GLIPR1L1: variants seen among roughly 807,000 people sequenced by gnomAD.
GLIPR1L1 encodes GLIPR1 like 1, also known as GLIPR1-like protein 1.
A neutral mutation model predicts 29.9 loss-of-function variants in GLIPR1L1; 26 were observed. The ratio of observed to expected loss-of-function variants is 0.87; its 90% CI spans 0.64 to 1.21. The LOEUF (loss-of-function observed/expected upper bound fraction) is 1.21. GLIPR1L1 is among the 50% of genes most tolerant of loss of function. The pLI is 0.00. For missense variants in GLIPR1L1, 305 were observed against 290.3 expected, an observed-to-expected ratio of 1.05 and a Z score of -0.37; for synonymous variants, 77 against 97.5, an observed-to-expected ratio of 0.79 and a Z score of 1.24.
chr12:75,338,292 A>G (rs2041869055), intron 1 of GLIPR1L1, among the ~76,000 whole-genome samples: 1 of 152,200 alleles, frequency 6.6e-6, no homozygotes, highest in Non-Finnish European at 1.5e-5. Context: ...GGACTTGAAA[A>G]TTAATCAACA....
intron 3 of GLIPR1L1, among the ~76,000 whole-genome samples, chr12:75,352,488 C>A (rs1320362554): frequency 6.6e-6 from 1 of 152,182 alleles, no homozygotes; most frequent in African/African-American, 2.4e-5. Context: ...TACAGGAGCA[C>A]CCAGATTCAT....
At chr12:75,339,370 A>G (rs1210864920) in intron 1 of GLIPR1L1, among the ~76,000 whole-genome samples, 1 of 151,330 alleles carries the variant, frequency 6.6e-6, no homozygotes. Context: ...GCTTTTTTTC[A>G]TTTGTTTTTT....
At chr12:75,369,806 A>G (rs2044239071) in intron 4 of GLIPR1L1, 154 bp from the exon 5 acceptor site, 1 of 981,272 alleles carries the variant, frequency 1.0e-6, no homozygotes, top group Non-Finnish European at 1.2e-6. Context: ...AGTTTTAAGT[A>G]CTGTAGGATT....
At chr12:75,344,360 T>G (rs1023815744) in intron 2 of GLIPR1L1, among the ~76,000 whole-genome samples, 4 of 152,132 alleles carry the variant, frequency 2.6e-5, no homozygotes, top group Admixed American at 2.6e-4. Context: ...GTAATTTTAT[T>G]GCTACATCTT....
intron 4 of GLIPR1L1, 81 bp from the exon 5 acceptor site, chr12:75,369,879 A>G: frequency 7.4e-7 from 1 of 1,343,064 alleles, no homozygotes; most frequent in Admixed American, 3.1e-5. Context: ...TGATTGTCTT[A>G]TTCTAAAAGC....
At chr12:75,351,327 T>C (rs1414052456) in intron 3 of GLIPR1L1, among the ~76,000 whole-genome samples, 1 of 152,016 alleles carries the variant, frequency 6.6e-6, no homozygotes, top group African/African-American at 2.4e-5. Context: ...ATTCAGGAAA[T>C]CCAGAGAACC....
In GLIPR1L1 at chr12:75,343,672, TA is replaced by T; in HGVS notation, c.175-18del. ...GCAAATACTTATGCACAATTCAATT[TA>T]AATTATTTTTATCTTTCAGATTTGG... On this transcript the variant is annotated intron_variant, in intron 1 of 5. Coordinates refer to ENST00000378695, the MANE Select transcript of GLIPR1L1 (RefSeq NM_001304964.2). 6.4e-7 allele frequency: 1 copy of T among 1,557,678 alleles called. No homozygotes were observed. Among genetic ancestry groups the T allele is most frequent in the Non-Finnish European group, 8.7e-7 (1 of 1,146,708 alleles).
intron 3 of GLIPR1L1, among the ~76,000 whole-genome samples, chr12:75,357,504 A>G (rs2043229421): frequency 6.6e-6 from 1 of 152,120 alleles, no homozygotes; most frequent in African/African-American, 2.4e-5. Flanking sequence ...CTCTCAAGCA[A>G]CTTTACCTGA....
Position 75,363,122 on chromosome 12 carries a change from C to G in GLIPR1L1, c.542C>G (p.Pro181Arg), listed in dbSNP as rs1005432558. Residue 181 changes from proline (P) to arginine (R), a missense_variant, in exon 4 of 6, where the codon CCT becomes CGT. Physicochemically the swap from Pro to Arg is moderately radical, Grantham distance 103 (BLOSUM62 -2). Transcript: ENST00000378695. ...YGPAGNFANM[P>R]PYVRGESCSL... ...TACAGAGGAAATTTTGCAAATATGCCTCCTTACGTAAGAGGAGAATCTTGC... is the reference window on the plus strand; with the variant it reads ...TACAGAGGAAATTTTGCAAATATGCGTCCTTACGTAAGAGGAGAATCTTGC... 6.4e-7 allele frequency: 1 copy of G among 1,558,384 alleles called. No individual in the cohort carries two copies. Among genetic ancestry groups the G allele is most frequent in the Non-Finnish European group, 8.6e-7 (1 of 1,158,862 alleles).
intron 3 of GLIPR1L1, among the ~76,000 whole-genome samples, chr12:75,349,180 G>C (rs60597986): frequency 1.1e-3 from 163 of 152,276 alleles, no homozygotes; most frequent in African/African-American, 3.9e-3. Context: ...GAAAGAATAA[G>C]AGGACACAGT....
At chr12:75,357,789 T>C (rs2043249111) in intron 3 of GLIPR1L1, among the ~76,000 whole-genome samples, 1 of 151,652 alleles carries the variant, frequency 6.6e-6, no homozygotes, top group South Asian at 2.1e-4. Context: ...AAAAAGAAGT[T>C]AGAAAGTATG....
At chr12:75,367,057 C>T in intron 4 of GLIPR1L1, 1 of 699,222 alleles carries the variant, frequency 1.4e-6, no homozygotes, top group South Asian at 1.5e-5. Flanking sequence ...TTAAGTTTCT[C>T]ACAAAAATGC....
At chr12:75,364,572 T>A (rs914371781) in intron 4 of GLIPR1L1, among the ~76,000 whole-genome samples, 2 of 152,316 alleles carry the variant, frequency 1.3e-5, no homozygotes, top group African/African-American at 4.8e-5. Context: ...AACTGTTAAA[T>A]TTTTTTAAGT....
intron 3 of GLIPR1L1, chr12:75,360,268 A>G (rs117039488): frequency 1.1e-4 from 17 of 152,338 alleles, no homozygotes; most frequent in Non-Finnish European, 1.6e-4. Flanking sequence ...CCAACCAATC[A>G]TGCCTACGCA....
At chr12:75,342,043 A>G (rs1485817837) in intron 1 of GLIPR1L1, among the ~76,000 whole-genome samples, 1 of 152,036 alleles carries the variant, frequency 6.6e-6, no homozygotes, top group Non-Finnish European at 1.5e-5. Context: ...ACGCCTGGCC[A>G]CCTATTTATA....
In GLIPR1L1 at chr12:75,334,689, C is replaced by A. The variant is rs565146614; in HGVS notation, c.-40C>A. ...CGGGTTGCCCCAGCCGTTACTGGTC[C>A]GCGCAGTCAGGGCATCCTCCGCATC... On this transcript the variant is annotated 5_prime_UTR_variant, in exon 1 of 6. Coordinates refer to ENST00000378695, the MANE Select transcript of GLIPR1L1 (RefSeq NM_001304964.2). The A allele has an allele frequency of 1.9e-6, 3 of 1,589,548 alleles. No individual in the cohort carries two copies. In the African/African-American group the frequency reaches 4.0e-5, roughly 21 times the overall value.
intron 2 of GLIPR1L1, 55 bp from the exon 3 acceptor site, chr12:75,347,567 T>C (rs1426525976): frequency 1.9e-6 from 2 of 1,078,760 alleles, no homozygotes; most frequent in Non-Finnish European, 2.8e-6. Flanking sequence ...TCTAAATGCA[T>C]TGTTTGCATA....
At position 75,368,017 on chromosome 12, in the gene GLIPR1L1, A is replaced by AT. The variant is rs1244613199; in HGVS notation, c.611-1937dup. On this transcript the variant is annotated intron_variant, in intron 4 of 5. Coordinates refer to ENST00000378695, the MANE Select transcript of GLIPR1L1 (RefSeq NM_001304964.2). Reference sequence around the variant, plus strand: ...ATTTGAATAAATGTTAACTTTAACAATTTTTTCCTGCATCTCTTGAAATAA... The same window carrying AT: ...ATTTGAATAAATGTTAACTTTAACAATTTTTTTCCTGCATCTCTTGAAATAA... Among the ~76,000 whole-genome samples, 3 of 152,176 alleles carry AT rather than the reference A, an allele frequency of 2.0e-5. No individual in the cohort carries two copies. The East Asian group carries it at 5.8e-4, about 29-fold the overall frequency.
At chr12:75,334,936 C>CT in intron 1 of GLIPR1L1, 34 bp downstream of exon 1, 3 of 1,577,470 alleles carry the variant, frequency 1.9e-6, no homozygotes, top group Non-Finnish European at 2.6e-6. Context: ...TCTTAAATCC[C>CT]TGACTCATCC....
Sources: allele counts gnomAD v4.1 joint callset (sites outside exome capture counted in the v4.1 genomes callset), GRCh38; gene constraint gnomAD v4.1.1; transcripts MANE v1.5; gene names NCBI Gene and HGNC (gene_info 2026-07-23, HGNC 2026-07-21).